The following WNK3 variants were observed in gnomAD, a reference collection of about 807,000 sequenced individuals.
WNK3 encodes WNK lysine deficient protein kinase 3, also known as serine/threonine-protein kinase WNK3.
WNK3 carries 18 observed loss-of-function variants against 116.7 expected under a neutral mutation model. The ratio of observed to expected loss-of-function variants is 0.15; its 90% CI spans 0.11 to 0.23. The LOEUF (loss-of-function observed/expected upper bound fraction) is 0.23. Ranked by LOEUF, WNK3 falls within the 10% of genes least tolerant of loss-of-function variation. WNK3 has a pLI of 1.00. For synonymous variants in WNK3, 404 were observed against 469.4 expected (o/e 0.86, Z 1.80); for missense variants, 993 against 1,323.8 (o/e 0.75, Z 3.88).
intron 8 of WNK3, among the ~76,000 whole-genome samples, chrX:54,293,618 C>CT (rs1217824610): frequency 8.9e-6 from 1 of 111,821 alleles, no homozygotes; most frequent in Non-Finnish European, 1.9e-5. Context: ...ATGTATATCC[C>CT]TAACTAATCT....
At chrX:54,239,821 T>C (rs2068003725) in intron 17 of WNK3, among the ~76,000 whole-genome samples, 1 of 111,088 alleles carries the variant, frequency 9.0e-6, no homozygotes, top group Non-Finnish European at 1.9e-5. Context: ...TAAAGATAAA[T>C]CCCCTATAAT....
intron 1 of WNK3, among the ~76,000 whole-genome samples, chrX:54,350,293 C>T (rs1275751402): frequency 9.1e-6 from 1 of 110,094 alleles, no homozygotes; most frequent in Non-Finnish European, 1.9e-5. Flanking sequence ...ACCTATAGTC[C>T]CAGCTACTCG....
intron 20 of WNK3, among the ~76,000 whole-genome samples, chrX:54,233,465 G>A (rs2067927118): frequency 1.1e-5 from 1 of 91,433 alleles, no homozygotes; most frequent in African/African-American, 4.0e-5. Context: ...AAGAGAGAGC[G>A]AGAGAGAGAG....
intron 22 of WNK3, 61 bp downstream of exon 22, chrX:54,228,653 T>A: frequency 2.3e-6 from 1 of 442,882 alleles, no homozygotes; most frequent in Non-Finnish European, 4.0e-6. Flanking sequence ...ATGTGAAATA[T>A]CTCAATAAAA....
At chrX:54,215,479 G>T (rs781904718) in intron 22 of WNK3, among the ~76,000 whole-genome samples, 1 of 112,734 alleles carries the variant, frequency 8.9e-6, no homozygotes, top group East Asian at 2.8e-4. Flanking sequence ...ACGGAGTCTC[G>T]CTCACTCAGT....
intron 10 of WNK3, among the ~76,000 whole-genome samples, chrX:54,280,037 C>A (rs1043713808): frequency 8.9e-6 from 1 of 112,407 alleles, no homozygotes; most frequent in Non-Finnish European, 1.9e-5. Context: ...GTGGCTCACG[C>A]CTGTAAATCC....
chrX:54,251,772 G>A (rs4304460), intron 13 of WNK3, 85 bp from the exon 14 acceptor site: 4 of 982,101 alleles, frequency 4.1e-6, no homozygotes, highest in Non-Finnish European at 5.4e-6. Context: ...ATCACATAAA[G>A]AAAGAAAATT....
chrX:54,334,125 C>T (rs1261089076), intron 1 of WNK3, among the ~76,000 whole-genome samples: 2 of 111,542 alleles, frequency 1.8e-5, no homozygotes, highest in Middle Eastern at 4.2e-3. Flanking sequence ...ATGTGACAAA[C>T]ACAGTAAGTA....
chrX:54,233,130 A>G, intron 20 of WNK3, 110 bp from the exon 21 acceptor site: 1 of 589,334 alleles, frequency 1.7e-6, no homozygotes, highest in Non-Finnish European at 2.7e-6. Context: ...TAGATTAAGA[A>G]TGGGGAAATA....
intron 2 of WNK3, among the ~76,000 whole-genome samples, chrX:54,316,245 A>G (rs1557170926): frequency 3.6e-5 from 4 of 110,899 alleles, no homozygotes. Flanking sequence ...CCTTATAAAA[A>G]GAGATAACAG....
chrX:54,339,016 A>G (rs1396792127), intron 1 of WNK3, among the ~76,000 whole-genome samples: 10 of 108,682 alleles, frequency 9.2e-5, no homozygotes, highest in Admixed American at 2.0e-4. Context: ...AAAAAAAAAA[A>G]AAGAAGCAAA....
exon 23 of WNK3, chrX:54,202,017 T>C (rs782106434): frequency 1.7e-6 from 2 of 1,211,534 alleles, no homozygotes; most frequent in East Asian, 5.9e-5. Flanking sequence ...CAGTTTTCTG[T>C]CTCTAGTTTG....
At chrX:54,213,151 T>C (rs1161052671) in intron 22 of WNK3, among the ~76,000 whole-genome samples, 1 of 110,019 alleles carries the variant, frequency 9.1e-6, no homozygotes, top group Non-Finnish European at 1.9e-5. Flanking sequence ...GGGCTAATTT[T>C]TTTTTTAAAT....
chrX:54,333,831 A>G, intron 1 of WNK3, 39 bp from the exon 2 acceptor site: 1 of 424,170 alleles, frequency 2.4e-6, no homozygotes, highest in Non-Finnish European at 4.0e-6. Context: ...ATCACCCTAC[A>G]AAGGAAATCA....
chrX:54,313,794 T>C (rs1310474216), intron 2 of WNK3, among the ~76,000 whole-genome samples: 1 of 112,350 alleles, frequency 8.9e-6, no homozygotes, highest in Non-Finnish European at 1.9e-5. Flanking sequence ...TGTTGATGTC[T>C]ACAAGTTTTT....
intron 1 of WNK3, among the ~76,000 whole-genome samples, chrX:54,336,488 C>T (rs2069239992): frequency 9.0e-6 from 1 of 111,112 alleles, no homozygotes; most frequent in African/African-American, 3.3e-5. Context: ...AAAAAAAATG[C>T]CTGAGTTGAG....
chrX:54,334,851 C>A (rs2069214180), intron 1 of WNK3, among the ~76,000 whole-genome samples: 1 of 112,179 alleles, frequency 8.9e-6, no homozygotes, highest in Admixed American at 9.6e-5. Flanking sequence ...AGTCAAGAAT[C>A]TGTGCAAAGA....
intron 17 of WNK3, among the ~76,000 whole-genome samples, chrX:54,241,820 G>A (rs1382758141): frequency 1.8e-5 from 2 of 109,875 alleles, no homozygotes; most frequent in Non-Finnish European, 3.8e-5. Flanking sequence ...TAGGCGTAGT[G>A]GTGAGCGCCT....
intron 10 of WNK3, among the ~76,000 whole-genome samples, chrX:54,275,625 A>C (rs1038220742): frequency 3.6e-5 from 4 of 110,531 alleles, no homozygotes; most frequent in Non-Finnish European, 5.7e-5. Flanking sequence ...AGAAAAGAGA[A>C]GCATAAGAAG....
Sources: gnomAD v4.1 joint callset for allele counts (sites outside exome capture counted in the v4.1 genomes callset) on GRCh38, gnomAD v4.1.1 for gene constraint, MANE v1.5 for transcripts, NCBI Gene and HGNC (gene_info 2026-07-23, HGNC 2026-07-21) for gene names.